Variants in SIK3 observed in about 807,000 individuals in gnomAD.
SIK3 encodes serine/threonine-protein kinase SIK3.
SIK3 carries 28 observed loss-of-function variants against 144.2 expected under a neutral mutation model. That is an observed-to-expected ratio of 0.19 (90% CI 0.14 to 0.27). The LOEUF (loss-of-function observed/expected upper bound fraction) is 0.27. Among genes scored for constraint, SIK3 ranks in the 10% least tolerant of loss-of-function variants. SIK3 has a pLI of 1.00. For missense variants in SIK3, 1,319 were observed against 1,776.0 expected (o/e 0.74, Z 4.62); for synonymous variants, 686 against 676.3 (o/e 1.01, Z -0.22).
intron 1 of SIK3, among the ~76,000 whole-genome samples, chr11:116,983,900 A>C (rs1405333927): frequency 6.6e-6 from 1 of 151,886 alleles, no homozygotes; most frequent in African/African-American, 2.4e-5. Context: ...CCCATCTAAA[A>C]ATTAGCCAGG....
At chr11:117,014,179 C>T (rs1041013434) in intron 1 of SIK3, among the ~76,000 whole-genome samples, 17 of 150,974 alleles carry the variant, frequency 1.1e-4, no homozygotes, top group African/African-American at 4.1e-4. Flanking sequence ...CGTGCTGATG[C>T]CAAGGGCCTT....
chr11:116,936,829 A>G (rs1232944705), intron 3 of SIK3, among the ~76,000 whole-genome samples: 1 of 152,186 alleles, frequency 6.6e-6, no homozygotes, highest in Admixed American at 6.5e-5. Context: ...GTTCACCTGC[A>G]TGTGTACTTG....
intron 15 of SIK3, among the ~76,000 whole-genome samples, chr11:116,866,535 G>A (rs1264948507): frequency 6.6e-6 from 1 of 152,056 alleles, no homozygotes; most frequent in Non-Finnish European, 1.5e-5. Context: ...TCTGCCTCCC[G>A]GGTTCAAGCA....
chr11:116,865,422 C>T (rs1323556142), intron 15 of SIK3, among the ~76,000 whole-genome samples: 1 of 152,116 alleles, frequency 6.6e-6, no homozygotes, highest in Non-Finnish European at 1.5e-5. Flanking sequence ...GGTTCTGATG[C>T]AGTTGCTCAT....
chr11:116,944,077 C>T lies in SIK3; in HGVS notation c.454+9967G>A, dbSNP rs948662949. ...CACTGTGTATTTTATACTTTATAAG[C>T]GTATCACAACTAAAATACTAAGTTG... On this transcript the variant is annotated intron_variant, in intron 3 of 24. Transcript: ENST00000445177. Among the ~76,000 whole-genome samples, 4 of 151,986 alleles carry T rather than the reference C, an allele frequency of 2.6e-5. No individual in the cohort carries two copies. The East Asian group carries it at 5.8e-4, about 22-fold the overall frequency.
At chr11:116,874,571 TC>T (rs933274752) in intron 11 of SIK3, among the ~76,000 whole-genome samples, 1 of 152,252 alleles carries the variant, frequency 6.6e-6, no homozygotes, top group Non-Finnish European at 1.5e-5. Context: ...GACTCAGGGC[TC>T]CACCCCTTTA....
At chr11:117,059,253 T>C (rs889820938) in intron 1 of SIK3, among the ~76,000 whole-genome samples, 13 of 152,112 alleles carry the variant, frequency 8.5e-5, no homozygotes, top group Non-Finnish European at 1.5e-5. Flanking sequence ...GTAATCAACA[T>C]GGACATTAAA....
intron 1 of SIK3, among the ~76,000 whole-genome samples, chr11:116,997,595 G>C (rs1950713728): frequency 6.6e-6 from 1 of 152,164 alleles, no homozygotes; most frequent in Non-Finnish European, 1.5e-5. Context: ...TTCAGAAAAA[G>C]TTTATGGTAG....
At chr11:117,016,641 C>T (rs1256838365) in intron 1 of SIK3, among the ~76,000 whole-genome samples, 1 of 152,010 alleles carries the variant, frequency 6.6e-6, no homozygotes, top group Non-Finnish European at 1.5e-5. Context: ...CAGCAAGACC[C>T]TGTCTCCGAA....
intron 1 of SIK3, among the ~76,000 whole-genome samples, chr11:116,973,815 G>C (rs1942154332): frequency 6.6e-6 from 1 of 152,104 alleles, no homozygotes. Flanking sequence ...TTCCAACTGA[G>C]GAGCATTCTA....
At chr11:116,897,044 A>G (rs946233471) in intron 5 of SIK3, 149 bp downstream of exon 5, 1 of 698,908 alleles carries the variant, frequency 1.4e-6, no homozygotes, top group Non-Finnish European at 2.2e-6. Context: ...AAAAAAAAAA[A>G]AGGCTTTGCA....
rs1446364660 is a variant in SIK3 at position 116,897,439 on chromosome 11, C to CAAAAATGGCT, written c.617-123_617-122insAGCCATTTTT. 2.1e-5 allele frequency: 18 copies of CAAAAATGGCT among 843,774 alleles called. No homozygotes were observed. In the East Asian group the frequency reaches 4.9e-4, roughly 23 times the overall value. 52.3% of individuals were successfully genotyped at this position (843,774 alleles called of 1,614,324 possible). ...CTGAATATTAAATGCAAAAAGAGAA[C>CAAAAATGGCT]ATTTAGAAACCACATAGCCAGACAC... On this transcript the variant is annotated intron_variant, in intron 4 of 24. Coordinates refer to ENST00000445177, the MANE Select transcript of SIK3 (RefSeq NM_001366686.3).
At position 117,098,252 on chromosome 11, in the gene SIK3, G is replaced by A. The variant is rs1955571351; in HGVS notation, c.164C>T (p.Ser55Phe). ...AGQPRPPAPA[S>F]RGPMPARIGY... ...GATACGGGCGGGCATGGGTCCGCGG[G>A]AGGCCGGGGCTGGGGGACGCGGCTG... Residue 55 changes from serine (S) to phenylalanine (F), a missense_variant, in exon 1 of 25, where the codon TCC (serine) becomes TTC (phenylalanine). Physicochemically the swap from Ser to Phe is radical, Grantham distance 155 (BLOSUM62 -2). This residue lies in a region of SIK3 where 114 missense variants were observed against 116.2 expected (regional missense o/e 0.98). Transcript: ENST00000445177. 1 of 1,453,422 alleles carries A rather than the reference G, an allele frequency of 6.9e-7. No individual in the cohort carries two copies. The highest frequency in any genetic ancestry group is 9.1e-7 in the Non-Finnish European group (1 of 1,098,246). The allele number at this position is 1,453,422 out of a possible 1,614,324, so 90.0% of individuals were successfully genotyped here.
intron 1 of SIK3, among the ~76,000 whole-genome samples, chr11:117,013,881 A>G (rs542545588): frequency 0.013 from 1,108 of 83,432 alleles, 33 homozygotes; most frequent in African/African-American, 0.042. Context: ...GGACATGGAT[A>G]TAAGTCTCCA....
intron 19 of SIK3, among the ~76,000 whole-genome samples, chr11:116,860,437 G>A (rs752072444): frequency 6.6e-6 from 1 of 152,036 alleles, no homozygotes; most frequent in Non-Finnish European, 1.5e-5. Context: ...ATCCTAAGAC[G>A]GCTGACCTCT....
intron 1 of SIK3, among the ~76,000 whole-genome samples, chr11:117,084,755 T>A (rs912407573): frequency 6.6e-6 from 1 of 152,108 alleles, no homozygotes; most frequent in Admixed American, 6.5e-5. Flanking sequence ...AAATTAGACG[T>A]GAATGAGATG....
intron 1 of SIK3, among the ~76,000 whole-genome samples, chr11:117,046,946 C>A (rs147865402): frequency 6.2e-4 from 94 of 152,250 alleles, no homozygotes; most frequent in African/African-American, 1.9e-3. Context: ...AACACCTGGG[C>A]AATCTGATAT....
chr11:117,054,036 G>C (rs890233641), intron 1 of SIK3, among the ~76,000 whole-genome samples: 3 of 152,186 alleles, frequency 2.0e-5, no homozygotes, highest in Non-Finnish European at 2.9e-5. Context: ...CTCCCAAGTA[G>C]CTAGGACTGT....
At chr11:117,033,560 T>A in intron 1 of SIK3, among the ~76,000 whole-genome samples, 1 of 151,132 alleles carries the variant, frequency 6.6e-6, no homozygotes, top group Non-Finnish European at 1.5e-5. Context: ...CAAAAAAAAA[T>A]TAGCCAGGCG....
Sources: gnomAD v4.1 joint callset for allele counts (sites outside exome capture counted in the v4.1 genomes callset) on GRCh38, gnomAD v4.1.1 for gene constraint, gnomAD v4.1.1 regional missense constraint, MANE v1.5 for transcripts, NCBI Gene and HGNC (gene_info 2026-07-23, HGNC 2026-07-21) for gene names.